The following CLMP variants were observed in gnomAD, a reference collection of about 807,000 sequenced individuals.
CLMP encodes the protein CXADR-like membrane protein.
CLMP carries 27 observed loss-of-function variants against 45.2 expected under a neutral mutation model. The ratio of observed to expected loss-of-function variants is 0.60; its 90% CI spans 0.44 to 0.82. The LOEUF (loss-of-function observed/expected upper bound fraction) is 0.82, where lower values mean the gene tolerates loss of function less well. Ranked by LOEUF, CLMP falls within the 40% of genes least tolerant of loss-of-function variation. The probability of loss-of-function intolerance (pLI) is 0.00; values close to 1 mark genes in which losing one functional copy is unlikely to be tolerated. For synonymous variants in CLMP, 167 were observed against 171.4 expected (o/e 0.97, Z 0.20); for missense variants, 403 against 448.4 (o/e 0.90, Z 0.91).
intron 1 of CLMP, among the ~76,000 whole-genome samples, chr11:123,105,316 T>G (rs1860526231): frequency 6.6e-6 from 1 of 152,128 alleles, no homozygotes; most frequent in East Asian, 1.9e-4. Flanking sequence ...GTTTAAAGTT[T>G]TATCCTCTAA....
intron 1 of CLMP, among the ~76,000 whole-genome samples, chr11:123,118,162 C>T (rs1258437990): frequency 6.6e-6 from 1 of 152,142 alleles, no homozygotes; most frequent in Admixed American, 6.6e-5. Context: ...TGGAGTCTCT[C>T]TCTGTTGCCC....
chr11:123,136,469 G>A (rs1591472864), intron 1 of CLMP: 4 of 347,352 alleles, frequency 1.2e-5, no homozygotes, highest in East Asian at 6.4e-5. Flanking sequence ...TCTCCCTGGC[G>A]CTTTAAGGGC....
At chr11:123,154,361 T>C (rs1264279211) in intron 1 of CLMP, among the ~76,000 whole-genome samples, 2 of 152,170 alleles carry the variant, frequency 1.3e-5, no homozygotes, top group African/African-American at 2.4e-5. Context: ...TATAGGCACA[T>C]TGGCTGGGGA....
chr11:123,147,492 G>A (rs998825257), intron 1 of CLMP, among the ~76,000 whole-genome samples: 1 of 152,106 alleles, frequency 6.6e-6, no homozygotes, highest in East Asian at 1.9e-4. Context: ...TGCCCAGATT[G>A]CTCTTGAACA....
At chr11:123,083,453 G>A (rs1231737324) in intron 4 of CLMP, among the ~76,000 whole-genome samples, 1 of 152,036 alleles carries the variant, frequency 6.6e-6, no homozygotes, top group Non-Finnish European at 1.5e-5. Flanking sequence ...TAGATATAGT[G>A]GATTTATGTA....
In CLMP at chr11:123,128,048, A is replaced by G. The variant is rs182460864; in HGVS notation, c.29-30096T>C. Among the ~76,000 whole-genome samples, 1,115 of 151,936 alleles carry G rather than the reference A, an allele frequency of 7.3e-3. 13 individuals are homozygous for G. The highest frequency in any genetic ancestry group is 0.014 in the Middle Eastern group (4 of 294). On this transcript the variant is annotated intron_variant, in intron 1 of 6. Transcript: ENST00000448775. ...GAGACTCTGTCTCAAAAAAAAAAAA[A>G]AAAAAGGTAATACATCAGACCAAGT...
intron 3 of CLMP, 112 bp from the exon 4 acceptor site, chr11:123,083,959 C>T: frequency 1.6e-6 from 2 of 1,283,838 alleles, no homozygotes; most frequent in Non-Finnish European, 2.2e-6. Context: ...CTGTTTTGGT[C>T]AACTTTTGAG....
chr11:123,079,356 C>A (rs1016286100), intron 5 of CLMP, among the ~76,000 whole-genome samples: 1 of 151,588 alleles, frequency 6.6e-6, no homozygotes, highest in Non-Finnish European at 1.5e-5. Context: ...TTTTTCTCAA[C>A]CTAGTGGGGA....
At position 123,116,156 on chromosome 11, in the gene CLMP, C is replaced by T. The variant is rs564675824; in HGVS notation, c.29-18204G>A. ...AGAGGAGACGTCTAATCTCTGCTGC[C>T]GTATTCTACTTGTTATAAGCAATTC... is the stretch of plus-strand genomic sequence containing the variant. On this transcript the variant is annotated intron_variant, in intron 1 of 6. Transcript: ENST00000448775. Among the ~76,000 whole-genome samples the T allele has an allele frequency of 3.3e-5, 5 of 151,796 alleles. No homozygotes were observed. In the South Asian group the frequency reaches 6.2e-4, roughly 19 times the overall value.
At chr11:123,074,650 G>A in intron 6 of CLMP, 52 bp downstream of exon 6, 2 of 1,574,678 alleles carry the variant, frequency 1.3e-6, no homozygotes, top group East Asian at 2.2e-5. Flanking sequence ...GGTCACTATA[G>A]TGCTGGCCCT....
chr11:123,180,348 T>C (rs1168823869), intron 1 of CLMP, among the ~76,000 whole-genome samples: 1 of 152,138 alleles, frequency 6.6e-6, no homozygotes, highest in Non-Finnish European at 1.5e-5. Context: ...AGGTGGGGCC[T>C]TGGGGACTGA....
At chr11:123,125,524 T>C (rs1187912113) in intron 1 of CLMP, among the ~76,000 whole-genome samples, 2 of 91,728 alleles carry the variant, frequency 2.2e-5, no homozygotes, top group Non-Finnish European at 4.3e-5. Flanking sequence ...TTCCCTTCCC[T>C]TCCCTTCCCT....
At chr11:123,100,710 T>C (rs1189155519) in intron 1 of CLMP, among the ~76,000 whole-genome samples, 3 of 152,160 alleles carry the variant, frequency 2.0e-5, no homozygotes, top group African/African-American at 7.2e-5. Flanking sequence ...CTCTTGTGCC[T>C]CTAAATGAAG....
At chr11:123,145,460 T>G (rs11500885) in intron 1 of CLMP, among the ~76,000 whole-genome samples, 12 of 51,988 alleles carry the variant, frequency 2.3e-4, no homozygotes, top group African/African-American at 1.4e-3. Context: ...CTGTTTTTTT[T>G]TTTTTTTTTT....
chr11:123,191,924 A>G (rs537400591), intron 1 of CLMP, among the ~76,000 whole-genome samples: 1 of 152,362 alleles, frequency 6.6e-6, no homozygotes, highest in South Asian at 2.1e-4. Context: ...AAGTAGCATA[A>G]GAGGAAGGCT....
chr11:123,140,813 C>G (rs1171983464), intron 1 of CLMP, among the ~76,000 whole-genome samples: 1 of 151,970 alleles, frequency 6.6e-6, no homozygotes, highest in Non-Finnish European at 1.5e-5. Flanking sequence ...ATGTTTGGTC[C>G]CCTCCAAATC....
intron 1 of CLMP, among the ~76,000 whole-genome samples, chr11:123,179,213 G>T (rs1861736983): frequency 6.6e-6 from 1 of 152,244 alleles, no homozygotes; most frequent in East Asian, 1.9e-4. Flanking sequence ...CTCCAGTTCA[G>T]AGGAGAAAGT....
intron 1 of CLMP, among the ~76,000 whole-genome samples, chr11:123,128,035 CAAAAAAAAAA>C (rs35399534): frequency 1.1e-5 from 1 of 91,864 alleles, no homozygotes; most frequent in African/African-American, 4.7e-5. Flanking sequence ...GACTCTGTCT[CAAAAAAAAAA>C]AAAAAAAAGG....
chr11:123,162,435 G>A (rs572842667), intron 1 of CLMP, among the ~76,000 whole-genome samples: 3 of 152,264 alleles, frequency 2.0e-5, no homozygotes, highest in African/African-American at 7.2e-5. Flanking sequence ...TATAATGCAT[G>A]TATAATGCAA....
Sources: allele counts gnomAD v4.1 joint callset (sites outside exome capture counted in the v4.1 genomes callset), GRCh38; gene constraint gnomAD v4.1.1; transcripts MANE v1.5; gene names NCBI Gene and HGNC (gene_info 2026-07-23, HGNC 2026-07-21).